The following ARFGAP2 variants were observed in gnomAD, a reference collection of about 807,000 sequenced individuals.
ARFGAP2 encodes ARF GTPase activating protein 2.
Under a neutral mutation model 71.9 loss-of-function variants are expected in ARFGAP2, and 45 were observed. The ratio of observed to expected loss-of-function variants is 0.63; its 90% CI spans 0.49 to 0.80. The LOEUF (loss-of-function observed/expected upper bound fraction) is 0.80, where lower values mean the gene tolerates loss of function less well. Ranked by LOEUF, ARFGAP2 falls within the 30% of genes least tolerant of loss-of-function variation. The pLI, the probability that ARFGAP2 is intolerant of heterozygous loss-of-function variation, is 0.00. For missense variants in ARFGAP2, 633 were observed against 673.9 expected, an observed-to-expected ratio of 0.94 and a Z score of 0.67; for synonymous variants, 248 against 249.2, an observed-to-expected ratio of 1.00 and a Z score of 0.05.
At chr11:47,171,580 G>A (rs778117664) in intron 9 of ARFGAP2, 23 bp from the exon 10 acceptor site, 1 of 1,614,142 alleles carries the variant, frequency 6.2e-7, no homozygotes, top group Non-Finnish European at 8.5e-7. Context: ...AAAGGTGTCA[G>A]TGGCCACCAC....
chr11:47,170,066 G>A (rs184924551), intron 10 of ARFGAP2, among the ~76,000 whole-genome samples: 25 of 151,506 alleles, frequency 1.7e-4, no homozygotes, highest in Non-Finnish European at 1.5e-4. Context: ...GGCTCACACC[G>A]GTAATCCCAG....
At position 47,175,301 on chromosome 11, in the gene ARFGAP2, GA is replaced by G. The variant is rs772728725; in HGVS notation, c.276del (p.Arg93AlafsTer43). On this transcript the variant is annotated frameshift_variant, in exon 4 of 16. Transcript: ENST00000524782. LOFTEE classifies it high-confidence loss of function. ...VGGNANATAF[F>X]RQHGCTANDA... ...TCATTGGCTGTGCATCCATGTTGGC[GA>G]AAAAAAGCCGTCTGGAGAGCAAAGA... The G allele has an allele frequency of 6.2e-7, 1 of 1,613,988 alleles. No individual in the cohort carries two copies. Among genetic ancestry groups the G allele is most frequent in the Non-Finnish European group, 8.5e-7 (1 of 1,179,992 alleles).
At chr11:47,172,958 G>A (rs565416969) in intron 7 of ARFGAP2, 319 of 369,034 alleles carry the variant, frequency 8.6e-4, no homozygotes, top group Non-Finnish European at 1.0e-3. Flanking sequence ...TGGACTGTTC[G>A]CCCTGAACCA....
chr11:47,172,364 G>C (rs753114161), intron 7 of ARFGAP2, 31 bp from the exon 8 acceptor site: 7 of 1,612,874 alleles, frequency 4.3e-6, no homozygotes, highest in African/African-American at 1.3e-5. Flanking sequence ...CATGAGCTAA[G>C]ACAAAGGCAG....
chr11:47,166,977 T>C (rs1018550037), intron 12 of ARFGAP2, 91 bp from the exon 13 acceptor site: 8 of 1,470,600 alleles, frequency 5.4e-6, no homozygotes, highest in African/African-American at 1.4e-5. Flanking sequence ...AGTGGCCTTT[T>C]GGTGATGGGT....
chr11:47,165,528 A>G (rs199748685), intron 15 of ARFGAP2, 26 bp from the exon 16 acceptor site: 2 of 1,557,080 alleles, frequency 1.3e-6, no homozygotes, highest in Non-Finnish European at 8.7e-7. Context: ...GAGAAAAAAA[A>G]AAAAAAAGTC....
intron 10 of ARFGAP2, among the ~76,000 whole-genome samples, chr11:47,169,095 C>T (rs1952499637): frequency 1.3e-5 from 2 of 151,276 alleles, no homozygotes; most frequent in South Asian, 2.1e-4. Flanking sequence ...GGGCAGATCA[C>T]GAGGTCAGGA....
At position 47,176,550 on chromosome 11, in the gene ARFGAP2, G is replaced by A; in HGVS notation, c.157C>T (p.His53Tyr). The change falls in exon 2 of 16, where the codon CAC becomes TAC. Residue 53 changes from histidine to tyrosine, a missense_variant. Physicochemically the swap from His to Tyr is moderately conservative, Grantham distance 83 (BLOSUM62 2). Coordinates refer to ENST00000524782, the MANE Select transcript of ARFGAP2 (RefSeq NM_032389.6). Reference protein sequence around the residue: ...VFLCIDCSGVHRSLGVHLSFI... With the variant: ...VFLCIDCSGVYRSLGVHLSFI... ...CTCAGATGGACGCCCAGGGAGCGGT[G>A]CACCCCGGAACAGTCAATGCACAAG... is the stretch of plus-strand genomic sequence containing the variant. The A allele has an allele frequency of 6.2e-7, 1 of 1,613,884 alleles. No individual in the cohort carries two copies. The highest frequency in any genetic ancestry group is 8.5e-7 in the Non-Finnish European group (1 of 1,180,038).
chr11:47,175,346 C>T (rs768879463), intron 3 of ARFGAP2, 33 bp from the exon 4 acceptor site: 48 of 1,613,524 alleles, frequency 3.0e-5, no homozygotes, highest in Non-Finnish European at 3.6e-5. Context: ...GCGCGTGCTA[C>T]GGGTGATTCT....
rs139700621 is a variant in ARFGAP2 at position 47,167,828 on chromosome 11, A to T, written c.1205+81T>A. The T allele has an allele frequency of 4.1e-6, 6 of 1,464,162 alleles. No homozygotes were observed. The African/African-American group carries it at 8.6e-5, about 21-fold the overall frequency. 90.7% of individuals were successfully genotyped at this position (1,464,162 alleles called of 1,614,324 possible). On this transcript the variant is annotated intron_variant, in intron 12 of 15. Coordinates refer to ENST00000524782, the MANE Select transcript of ARFGAP2 (RefSeq NM_032389.6). ...CCATCAACACAGAAAGTTCTTCTAG[A>T]CAGTGCTGCCTTAGAATTCTCTACC... is the stretch of plus-strand genomic sequence containing the variant.
rs762630694 is a variant in ARFGAP2, at chr11:47,171,713, G to A, written c.760C>T (p.Leu254Phe). The part of the protein sequence containing the change: ...IERQAQVAEK[L>F]REQQAADAKK... ...GCATCGGCTGCCTGCTGCTCACGGA[G>A]CTTCTCTGCCACCTGAGCCTGCCGC... Residue 254 changes from leucine (L) to phenylalanine (F), a missense_variant, in exon 9 of 16, where the codon CTC becomes TTC. By Grantham distance (22) the Leu-to-Phe change is conservative. Transcript: ENST00000524782. The A allele has an allele frequency of 1.2e-6, 2 of 1,613,906 alleles. No individual in the cohort carries two copies. The highest frequency in any genetic ancestry group is 1.7e-6 in the Non-Finnish European group (2 of 1,180,044).
chr11:47,176,655 G>C (rs370394048), intron 1 of ARFGAP2, 21 bp from the exon 2 acceptor site: 42 of 1,613,510 alleles, frequency 2.6e-5, no homozygotes, highest in Non-Finnish European at 2.5e-6. Flanking sequence ...GCGGCGATGA[G>C]CGAATCGTCA....
chr11:47,176,818 A>T lies in ARFGAP2; in HGVS notation c.36T>A (p.Thr12=). 1 of 1,613,988 alleles carries T rather than the reference A, an allele frequency of 6.2e-7. No homozygotes were observed. Among genetic ancestry groups the T allele is most frequent in the Non-Finnish European group, 8.5e-7 (1 of 1,179,994 alleles). The change falls in exon 1 of 16, where the codon ACT becomes ACA. Residue 12 remains threonine, a synonymous_variant. Transcript: ENST00000524782. ...GAACTGCGCGAAGCCTCTTAAAAAGAGTCTGGATTTCGGTCTTGTTCGGCT... is the reference window on the plus strand; with the variant it reads ...GAACTGCGCGAAGCCTCTTAAAAAGTGTCTGGATTTCGGTCTTGTTCGGCT... ...AAEPNKTEIQ[T]LFKRLRAVPT...
chr11:47,176,753 G>C (rs1952849237), intron 1 of ARFGAP2, 29 bp downstream of exon 1: 7 of 1,613,856 alleles, frequency 4.3e-6, no homozygotes, highest in Admixed American at 3.3e-5. Context: ...AGCGGGACGA[G>C]AGACTCCGCG....
At chr11:47,174,607 G>A (rs1381457979) in intron 5 of ARFGAP2, 1 of 171,554 alleles carries the variant, frequency 5.8e-6, no homozygotes, top group African/African-American at 2.4e-5. Flanking sequence ...TTGTTAGCCA[G>A]GATGGTCTCG....
intron 12 of ARFGAP2, among the ~76,000 whole-genome samples, chr11:47,167,279 T>G (rs781667335): frequency 1.3e-5 from 2 of 152,212 alleles, no homozygotes; most frequent in Non-Finnish European, 2.9e-5. Flanking sequence ...GTCATAACTA[T>G]GAATAGCAAA....
chr11:47,166,921 C>G (rs1952408738), intron 12 of ARFGAP2, 35 bp from the exon 13 acceptor site: 1 of 1,600,862 alleles, frequency 6.2e-7, no homozygotes, highest in Non-Finnish European at 8.5e-7. Flanking sequence ...CGGACTCCTC[C>G]CATTATCATC....
At position 47,168,129 on chromosome 11, in the gene ARFGAP2, G is replaced by A; in HGVS notation, c.1064C>T (p.Pro355Leu). 6.2e-7 allele frequency: 1 copy of A among 1,614,174 alleles called. No homozygotes were observed. The highest frequency in any genetic ancestry group is 8.5e-7 in the Non-Finnish European group (1 of 1,180,026). ...FDDVGTFASG[P>L]PKYKDNPFSL... ...AGCTAGAAAACAGCCTTACTTTGGG[G>A]GTCCAGAGGCGAAAGTACCAACATC... is the stretch of plus-strand genomic sequence containing the variant. Residue 355 changes from proline (P) to leucine (L), a missense_variant, in exon 11 of 16, where the codon CCC becomes CTC. Pro to Leu is a moderately conservative substitution (Grantham distance 98). Coordinates refer to ENST00000524782, the MANE Select transcript of ARFGAP2 (RefSeq NM_032389.6).
At position 47,173,485 on chromosome 11, in the gene ARFGAP2, G is replaced by A; in HGVS notation, c.563-3C>T. 6.4e-7 allele frequency: 1 copy of A among 1,555,264 alleles called. No homozygotes were observed. The highest frequency in any genetic ancestry group is 8.7e-7 in the Non-Finnish European group (1 of 1,149,482). On this transcript the variant is annotated splice_region_variant and splice_polypyrimidine_tract_variant and intron_variant, in intron 6 of 15. Coordinates refer to ENST00000524782, the MANE Select transcript of ARFGAP2 (RefSeq NM_032389.6). ...TGTGTTGGGGCCATGCTCCGGCTCT[G>A]TGGATGCAATGGTAGGAGTTAGAGA...
Sources: allele counts gnomAD v4.1 joint callset (sites outside exome capture counted in the v4.1 genomes callset), GRCh38; gene constraint gnomAD v4.1.1; transcripts MANE v1.5; gene names NCBI Gene and HGNC (gene_info 2026-07-23, HGNC 2026-07-21).